The following TIAM2 variants were observed in gnomAD, a reference collection of about 807,000 sequenced individuals.
The protein encoded by TIAM2 is TIAM Rac1 associated GEF 2.
Under a neutral mutation model 152.9 loss-of-function variants are expected in TIAM2, and 80 were observed. The observed-to-expected ratio is 0.52, with a 90% CI of 0.44 to 0.63. The LOEUF (loss-of-function observed/expected upper bound fraction) is 0.63. TIAM2 is among the 30% of genes least tolerant of loss of function. The probability of loss-of-function intolerance (pLI) is 0.00; values close to 1 mark genes in which losing one functional copy is unlikely to be tolerated. For missense variants in TIAM2, 1,965 were observed against 2,120.1 expected (o/e 0.93, Z 1.44); for synonymous variants, 804 against 838.0 (o/e 0.96, Z 0.70).
intron 1 of TIAM2, chr6:155,005,190 T>G (rs532058743): frequency 6.6e-5 from 15 of 227,826 alleles, no homozygotes; most frequent in Admixed American, 1.2e-4. Context: ...CATTTCCCCT[T>G]TCACCTCCAC....
intron 14 of TIAM2, among the ~76,000 whole-genome samples, chr6:155,194,785 A>G (rs1781297350): frequency 6.6e-6 from 1 of 152,208 alleles, no homozygotes; most frequent in Non-Finnish European, 1.5e-5. Flanking sequence ...GTCCCCACCC[A>G]AATCTCATCT....
chr6:155,256,667 A>G lies in TIAM2; in HGVS notation c.4652A>G (p.His1551Arg). Residue 1551 changes from histidine to arginine, a missense_variant, in exon 27 of 27, where the codon CAC becomes CGC. Transcript: ENST00000682666. ...SKSTSPGKYP[H>R]PGLADFADNL... ...AGCACTTCTCCCGGGAAATACCCAC[A>G]CCCCGGCTTGGCAGATTTTGCCGAC... The G allele has an allele frequency of 6.2e-7, 1 of 1,614,134 alleles. No homozygotes were observed.
Position 155,137,170 on chromosome 6 carries a change from C to G in TIAM2, c.1195-7C>G, listed in dbSNP as rs958280197. On this transcript the variant is annotated splice_polypyrimidine_tract_variant and splice_region_variant and intron_variant, in intron 4 of 26. Coordinates refer to ENST00000682666, the MANE Select transcript of TIAM2 (RefSeq NM_012454.4). ...CTCTGATGGGTGATCATGTGTGTTT[C>G]TCACAGGAGCCGAGGTCCAAGGAGG... 3.1e-6 allele frequency: 5 copies of G among 1,609,716 alleles called. No individual in the cohort carries two copies. The highest frequency in any genetic ancestry group is 4.5e-5 in the East Asian group (2 of 44,834).
At chr6:155,117,049 AT>A (rs200721638) in intron 2 of TIAM2, among the ~76,000 whole-genome samples, 50 of 145,398 alleles carry the variant, frequency 3.4e-4, no homozygotes, top group East Asian at 6.6e-4. Flanking sequence ...CATTTGATAT[AT>A]TTAAAAAAAA....
chr6:155,071,630 C>T (rs189589381), intron 1 of TIAM2, among the ~76,000 whole-genome samples: 95 of 152,240 alleles, frequency 6.2e-4, no homozygotes, highest in Middle Eastern at 6.8e-3. Flanking sequence ...ATTGGCCGGG[C>T]GCGGTGGCTC....
At chr6:155,170,373 T>C (rs1461476575) in intron 9 of TIAM2, among the ~76,000 whole-genome samples, 1 of 152,226 alleles carries the variant, frequency 6.6e-6, no homozygotes, top group Non-Finnish European at 1.5e-5. Context: ...CTCGTGCCTG[T>C]AATCCCAGAA....
chr6:155,029,462 TA>T (rs1365420142), intron 1 of TIAM2, among the ~76,000 whole-genome samples: 5 of 56,254 alleles, frequency 8.9e-5, no homozygotes, highest in East Asian at 7.6e-4. Flanking sequence ...ATATTATATA[TA>T]ATATATACTA....
At chr6:155,071,948 G>A (rs1320632658) in intron 1 of TIAM2, among the ~76,000 whole-genome samples, 1 of 151,916 alleles carries the variant, frequency 6.6e-6, no homozygotes, top group African/African-American at 2.4e-5. Context: ...TCTGTTATGT[G>A]TTGTTAGGGA....
chr6:155,237,309 G>A (rs965063204), intron 15 of TIAM2, among the ~76,000 whole-genome samples: 41 of 152,232 alleles, frequency 2.7e-4, no homozygotes, highest in African/African-American at 9.4e-4. Flanking sequence ...ATGGTCTTGG[G>A]TAGCTCTGTC....
At chr6:155,132,488 CAT>C in intron 4 of TIAM2, among the ~76,000 whole-genome samples, 1 of 152,132 alleles carries the variant, frequency 6.6e-6, no homozygotes, top group East Asian at 1.9e-4. Flanking sequence ...AGGGCCTCTT[CAT>C]ATCCCTGAAT....
intron 7 of TIAM2, among the ~76,000 whole-genome samples, chr6:155,153,924 A>G (rs1780038726): frequency 6.6e-6 from 1 of 152,132 alleles, no homozygotes; most frequent in South Asian, 2.1e-4. Context: ...TACCTGGCCA[A>G]GAGCTGTTTA....
intron 1 of TIAM2, among the ~76,000 whole-genome samples, chr6:155,074,050 T>C (rs1394301619): frequency 1.3e-5 from 2 of 152,188 alleles, no homozygotes; most frequent in Non-Finnish European, 2.9e-5. Flanking sequence ...TCAACCCAGA[T>C]GCACCACAGT....
In TIAM2 at chr6:155,257,433, C is replaced by G; in HGVS notation, c.*312C>G. On this transcript the variant is annotated 3_prime_UTR_variant, in exon 27 of 27. Transcript: ENST00000682666. ...GTGGAAAAAGTAAGGCTGGGGAAGT[C>G]GTGATTAATAGTTTTCAAAGGGCCA... is the stretch of plus-strand genomic sequence containing the variant. The G allele has an allele frequency of 2.9e-6, 1 of 350,784 alleles. No homozygotes were observed. The allele number at this position is 350,784 out of a possible 1,614,324, so 21.7% of individuals were successfully genotyped here. A position where few individuals can be genotyped will look rare whatever the true frequency, so the allele number is the denominator to read the frequency against.
intron 3 of TIAM2, 29 bp downstream of exon 3, chr6:155,127,629 A>G (rs1292378878): frequency 2.2e-6 from 1 of 455,994 alleles, no homozygotes; most frequent in Non-Finnish European, 4.4e-6. Flanking sequence ...CCTGGGGGTC[A>G]CGTCAAGTTG....
chr6:155,012,291 G>A (rs1778503024), intron 1 of TIAM2, among the ~76,000 whole-genome samples: 1 of 152,088 alleles, frequency 6.6e-6, no homozygotes, highest in Non-Finnish European at 1.5e-5. Flanking sequence ...AGTTCACTGA[G>A]CAAAAGTAAG....
In TIAM2 at chr6:154,997,629, A is replaced by ATTT. The variant is rs57280691; in HGVS notation, c.-209+2164_-209+2166dup. On this transcript the variant is annotated intron_variant, in intron 1 of 26. Transcript: ENST00000682666. ...CCGTGAACGAGTGAAGAAAGAATGG[A>ATTT]TTTTTTTTTTTTTTTTTTTTTTTTT... is the stretch of plus-strand genomic sequence containing the variant. Among the ~76,000 whole-genome samples the ATTT allele has an allele frequency of 9.6e-3, 597 of 62,118 alleles. 66 individuals are homozygous for ATTT. The highest frequency in any genetic ancestry group is 0.016 in the Middle Eastern group (1 of 62). 40.8% of individuals were successfully genotyped at this position (62,118 alleles called of 152,430 possible).
At chr6:155,133,399 C>G (rs997198562) in intron 4 of TIAM2, among the ~76,000 whole-genome samples, 4 of 152,052 alleles carry the variant, frequency 2.6e-5, no homozygotes, top group Non-Finnish European at 4.4e-5. Flanking sequence ...TGGTTAGAAT[C>G]AAGGAATTAG....
intron 14 of TIAM2, among the ~76,000 whole-genome samples, chr6:155,197,831 C>T (rs968526235): frequency 4.6e-5 from 7 of 152,130 alleles, no homozygotes; most frequent in South Asian, 2.1e-4. Flanking sequence ...TACCTCCCAC[C>T]GGGTCCCTCC....
At chr6:155,018,453 C>CT in intron 1 of TIAM2, among the ~76,000 whole-genome samples, 1 of 151,358 alleles carries the variant, frequency 6.6e-6, no homozygotes, top group Non-Finnish European at 1.5e-5. Flanking sequence ...AACCCCGTGT[C>CT]ACTAATAATT....
Sources: allele counts gnomAD v4.1 joint callset (sites outside exome capture counted in the v4.1 genomes callset), GRCh38; gene constraint gnomAD v4.1.1; transcripts MANE v1.5; gene names NCBI Gene and HGNC (gene_info 2026-07-23, HGNC 2026-07-21).